Variants in LRRFIP1 observed in about 807,000 individuals in gnomAD.
LRRFIP1 encodes the protein LRR binding FLII interacting protein 1.
A neutral mutation model predicts 104.4 loss-of-function variants in LRRFIP1; 62 were observed. The observed-to-expected ratio is 0.59, with a 90% CI of 0.48 to 0.73. The LOEUF is 0.73. Among genes scored for constraint, LRRFIP1 ranks in the 30% least tolerant of loss-of-function variants. LRRFIP1 has a pLI of 0.00. For missense variants in LRRFIP1, 796 were observed against 824.5 expected (o/e 0.97, Z 0.42); for synonymous variants, 300 against 299.0 (o/e 1.00, Z -0.03).
chr2:237,736,776 T>A (rs1285475553), intron 10 of LRRFIP1, among the ~76,000 whole-genome samples: 1 of 152,216 alleles, frequency 6.6e-6, no homozygotes, highest in Non-Finnish European at 1.5e-5. Flanking sequence ...GATGGTCAGC[T>A]CTGCTGTGAG....
At chr2:237,742,735 G>A (rs1472486648) in intron 11 of LRRFIP1, among the ~76,000 whole-genome samples, 5 of 152,224 alleles carry the variant, frequency 3.3e-5, no homozygotes, top group Non-Finnish European at 7.3e-5. Flanking sequence ...GAAGAAGCCA[G>A]GAGAGCCTGG....
At position 237,766,016 on chromosome 2, in the gene LRRFIP1, T is replaced by C; in HGVS notation, c.1460-3927T>C. 1.3e-6 allele frequency: 1 copy of C among 742,020 alleles called. No homozygotes were observed. The highest frequency in any genetic ancestry group is 1.6e-6 in the Non-Finnish European group (1 of 607,826). 46.0% of individuals were successfully genotyped at this position (742,020 alleles called of 1,614,324 possible). On this transcript the variant is annotated intron_variant, in intron 19 of 23. Transcript: ENST00000308482. This position sits in a 1 kb window ranked among gnomAD's most constrained non-coding sequence, Gnocchi z 4.8. ...TATCTGCTTGGGGGTTGCTGATTCC[T>C]ATTGGGGTTCCGTGGAAGACCCACG...
chr2:237,737,650 C>G (rs958951048), intron 10 of LRRFIP1, among the ~76,000 whole-genome samples: 6 of 152,204 alleles, frequency 3.9e-5, no homozygotes, highest in South Asian at 2.1e-4. Context: ...AAGTTTTCCT[C>G]TCTCTTACAT....
At chr2:237,647,888 A>G (rs372769643) in intron 1 of LRRFIP1, among the ~76,000 whole-genome samples, 30 of 152,194 alleles carry the variant, frequency 2.0e-4, no homozygotes, top group African/African-American at 7.2e-4. Flanking sequence ...GGGCATTTCC[A>G]TGAGAAGTGG....
intron 1 of LRRFIP1, among the ~76,000 whole-genome samples, chr2:237,697,519 A>G (rs2093270153): frequency 1.3e-5 from 2 of 152,200 alleles, no homozygotes; most frequent in African/African-American, 4.8e-5. Flanking sequence ...CCAAGTAGAT[A>G]AGTTCATGGA....
At chr2:237,679,223 T>A (rs1394923503) in intron 1 of LRRFIP1, among the ~76,000 whole-genome samples, 1 of 152,230 alleles carries the variant, frequency 6.6e-6, no homozygotes, top group African/African-American at 2.4e-5. Flanking sequence ...TCCTTTCAGG[T>A]GCCTTGCAAC....
chr2:237,656,959 A>G (rs911601450), intron 1 of LRRFIP1, among the ~76,000 whole-genome samples: 2 of 152,410 alleles, frequency 1.3e-5, no homozygotes, highest in East Asian at 3.8e-4. Context: ...AACATAATTC[A>G]TGATAGAAAA....
intron 1 of LRRFIP1, among the ~76,000 whole-genome samples, chr2:237,693,412 A>G (rs1268669681): frequency 6.6e-6 from 1 of 152,164 alleles, no homozygotes; most frequent in Non-Finnish European, 1.5e-5. Flanking sequence ...AATGCCAGAG[A>G]GAGGTGTAGA....
chr2:237,700,536 C>T (rs1043115735), intron 1 of LRRFIP1, among the ~76,000 whole-genome samples: 4 of 152,254 alleles, frequency 2.6e-5, no homozygotes, highest in South Asian at 2.1e-4. Flanking sequence ...AACCTGGAGG[C>T]GAAAATGAAT....
intron 1 of LRRFIP1, among the ~76,000 whole-genome samples, chr2:237,675,623 T>C (rs1264609173): frequency 6.6e-6 from 1 of 152,194 alleles, no homozygotes; most frequent in Non-Finnish European, 1.5e-5. Context: ...CCCTTTCTTT[T>C]CGAATGAAGT....
chr2:237,639,987 T>G (rs1164450968), intron 1 of LRRFIP1, among the ~76,000 whole-genome samples: 1 of 151,952 alleles, frequency 6.6e-6, no homozygotes, highest in Non-Finnish European at 1.5e-5. Context: ...TGTGTCAGGT[T>G]TCCCCTGCCA....
chr2:237,667,463 G>C (rs1358949707), intron 1 of LRRFIP1, among the ~76,000 whole-genome samples: 1 of 152,162 alleles, frequency 6.6e-6, no homozygotes, highest in African/African-American at 2.4e-5. Context: ...TCATTGATGG[G>C]CATTTGGGTT....
chr2:237,689,642 T>C (rs529984507), intron 1 of LRRFIP1, among the ~76,000 whole-genome samples: 38 of 152,306 alleles, frequency 2.5e-4, no homozygotes, highest in African/African-American at 9.1e-4. Context: ...TTCTCTTTCC[T>C]GGGCTGCCCA....
chr2:237,693,237 A>G (rs1051151743), intron 1 of LRRFIP1, among the ~76,000 whole-genome samples: 7 of 152,392 alleles, frequency 4.6e-5, no homozygotes, highest in Admixed American at 6.5e-5. Flanking sequence ...GAAAAGAAAT[A>G]TAAAACCCTA....
chr2:237,707,419 C>T (rs937694682), intron 1 of LRRFIP1, among the ~76,000 whole-genome samples: 5 of 144,112 alleles, frequency 3.5e-5, no homozygotes, highest in South Asian at 4.4e-4. Flanking sequence ...CACTGCACTT[C>T]AGCCTGGGCA....
At chr2:237,698,345 A>G (rs1267636273) in intron 1 of LRRFIP1, among the ~76,000 whole-genome samples, 2 of 152,384 alleles carry the variant, frequency 1.3e-5, no homozygotes, top group East Asian at 1.9e-4. Context: ...CCAGGCTCAC[A>G]TAACTGTAGG....
In LRRFIP1 at chr2:237,708,546, G is replaced by A. The variant is rs1338728483; in HGVS notation, c.99G>A (p.Ala33=). ...ATAAGATGCCCTGTCCGTTTCAGGC[G>A]GAAGCCCGGCTCGCTGCAAAACGGG... The part of the protein sequence containing the change: ...DDALNQIARE[A]EARLAAKRAA... Residue 33 remains alanine (A), a splice_region_variant and synonymous_variant, in exon 2 of 24, where the codon GCG becomes GCA. Coordinates refer to ENST00000308482, the MANE Select transcript of LRRFIP1 (RefSeq NM_001137550.2). 1.0e-5 allele frequency: 16 copies of A among 1,570,988 alleles called. No individual in the cohort carries two copies. The highest frequency in any genetic ancestry group is 5.2e-5 in the Admixed American group (3 of 57,240).
chr2:237,719,607 G>T, intron 5 of LRRFIP1, 40 bp downstream of exon 5: 1 of 1,509,248 alleles, frequency 6.6e-7, no homozygotes, highest in Non-Finnish European at 9.2e-7. Flanking sequence ...CAATTTGATT[G>T]AATTCTAATT....
intron 1 of LRRFIP1, among the ~76,000 whole-genome samples, chr2:237,699,099 G>A (rs1255169816): frequency 6.6e-6 from 1 of 152,120 alleles, no homozygotes; most frequent in Non-Finnish European, 1.5e-5. Context: ...TGACACAGGT[G>A]TGTTGCACTG....
Sources: allele counts gnomAD v4.1 joint callset (sites outside exome capture counted in the v4.1 genomes callset), GRCh38; gene constraint gnomAD v4.1.1; non-coding constraint Gnocchi (gnomAD v3.1); transcripts MANE v1.5; gene names NCBI Gene and HGNC (gene_info 2026-07-23, HGNC 2026-07-21).